The following DCDC2 variants were observed in gnomAD, a reference collection of about 807,000 sequenced individuals.
The protein encoded by DCDC2 is doublecortin domain-containing protein 2.
A neutral mutation model predicts 50.2 loss-of-function variants in DCDC2; 40 were observed. The ratio of observed to expected loss-of-function variants is 0.80; its 90% CI spans 0.62 to 1.04. The LOEUF (loss-of-function observed/expected upper bound fraction) is 1.04, where lower values mean the gene tolerates loss of function less well. Ranked by LOEUF, DCDC2 falls within the 50% of genes least tolerant of loss-of-function variation. The probability of loss-of-function intolerance (pLI) is 0.00; values close to 1 mark genes in which losing one functional copy is unlikely to be tolerated. For missense variants in DCDC2, 570 were observed against 581.9 expected (o/e 0.98, Z 0.21); for synonymous variants, 234 against 210.6 (o/e 1.11, Z -0.96).
intron 7 of DCDC2, among the ~76,000 whole-genome samples, chr6:24,206,316 G>C (rs1472011167): frequency 6.6e-6 from 1 of 152,120 alleles, no homozygotes; most frequent in Non-Finnish European, 1.5e-5. Context: ...ATGAGGAAGG[G>C]CAATAGCAGA....
At position 24,191,730 on chromosome 6, in the gene DCDC2, T is replaced by G. The variant is rs1421172671; in HGVS notation, c.1024-13098A>C. Among the ~76,000 whole-genome samples the G allele has an allele frequency of 5.3e-5, 8 of 152,226 alleles. No homozygotes were observed. The East Asian group carries it at 1.5e-3, about 29-fold the overall frequency. On this transcript the variant is annotated intron_variant, in intron 8 of 9. Coordinates refer to ENST00000378454, the MANE Select transcript of DCDC2 (RefSeq NM_016356.5). ...CACAGCAGATTGAATAAATGGGAGT[T>G]TTTTCTTAGCTCCCTTCTGATGCTC... is the stretch of plus-strand genomic sequence containing the variant.
At chr6:24,261,204 C>CTTTTTTTTTT (rs10694761) in intron 7 of DCDC2, among the ~76,000 whole-genome samples, 1 of 135,746 alleles carries the variant, frequency 7.4e-6, no homozygotes, top group Non-Finnish European at 1.5e-5. Context: ...CATTTTCTTG[C>CTTTTTTTTTT]TTTTTTTTTT....
At chr6:24,258,263 G>A (rs1762935796) in intron 7 of DCDC2, among the ~76,000 whole-genome samples, 1 of 152,172 alleles carries the variant, frequency 6.6e-6, no homozygotes, top group South Asian at 2.1e-4. Flanking sequence ...GGTTGCTGCT[G>A]CTGGCTGGGG....
the DCDC2 span, among the ~76,000 whole-genome samples, chr6:24,367,119 A>T: frequency 6.6e-6 from 1 of 152,214 alleles, no homozygotes; most frequent in Non-Finnish European, 1.5e-5. Context: ...TACAGCCATG[A>T]GACACCATGC....
At chr6:24,247,067 TAA>T (rs1762693589) in intron 7 of DCDC2, among the ~76,000 whole-genome samples, 1 of 152,064 alleles carries the variant, frequency 6.6e-6, no homozygotes, top group Non-Finnish European at 1.5e-5. Flanking sequence ...TTAACATATA[TAA>T]AGGGAGACAA....
chr6:24,243,706 T>C (rs990351417), intron 7 of DCDC2, among the ~76,000 whole-genome samples: 1 of 152,178 alleles, frequency 6.6e-6, no homozygotes, highest in Non-Finnish European at 1.5e-5. Context: ...CCTGGCTACA[T>C]GGCTGATTGT....
chr6:24,311,282 GCAATACTTTTTATA>G (rs1418149683), intron 2 of DCDC2, among the ~76,000 whole-genome samples: 2 of 152,092 alleles, frequency 1.3e-5, no homozygotes, highest in African/African-American at 4.8e-5. Context: ...AACTTTTCAT[GCAATACTTTTTATA>G]CAATACTTTT....
At chr6:24,264,473 T>C (rs1763075568) in intron 7 of DCDC2, among the ~76,000 whole-genome samples, 1 of 152,056 alleles carries the variant, frequency 6.6e-6, no homozygotes, top group South Asian at 2.1e-4. Flanking sequence ...GTTTAAAAGT[T>C]GGATGAGGTT....
chr6:24,350,368 G>A (rs1445307516), intron 2 of DCDC2, among the ~76,000 whole-genome samples: 1 of 152,170 alleles, frequency 6.6e-6, no homozygotes, highest in Non-Finnish European at 1.5e-5. Flanking sequence ...CTGAAAGGGT[G>A]TCCCAGCCAC....
chr6:24,208,517 T>A (rs1015423254), intron 7 of DCDC2, among the ~76,000 whole-genome samples: 1 of 151,980 alleles, frequency 6.6e-6, no homozygotes, highest in African/African-American at 2.4e-5. Flanking sequence ...ATTACAGGCA[T>A]GTGCCACCAC....
chr6:24,288,992 G>A, intron 5 of DCDC2, 86 bp from the exon 6 acceptor site: 2 of 1,006,882 alleles, frequency 2.0e-6, no homozygotes. Context: ...CCACCTGGAA[G>A]TCAACTGTTT....
Position 24,301,716 on chromosome 6 carries a change from T to A in DCDC2, c.556A>T (p.Arg186Trp). 6.2e-7 allele frequency: 1 copy of A among 1,613,826 alleles called. No individual in the cohort carries two copies. Among genetic ancestry groups the A allele is most frequent in the Non-Finnish European group, 8.5e-7 (1 of 1,179,916 alleles). Reference sequence around the variant, plus strand: ...ACTTACAAGATTGTTTTGACATACCTGTGAACAGCCCCGCTCCTCAGAGTG... The same window carrying A: ...ACTTACAAGATTGTTTTGACATACCAGTGAACAGCCCCGCTCCTCAGAGTG... ...KITLRSGAVH[R>W]LYTLEGKLVE... Residue 186 changes from arginine to tryptophan, a missense_variant and splice_region_variant, in exon 4 of 10, where the codon AGG becomes TGG. Coordinates refer to ENST00000378454, the MANE Select transcript of DCDC2 (RefSeq NM_016356.5).
At chr6:24,252,137 T>C (rs1234174203) in intron 7 of DCDC2, among the ~76,000 whole-genome samples, 1 of 152,216 alleles carries the variant, frequency 6.6e-6, no homozygotes, top group Non-Finnish European at 1.5e-5. Context: ...TTCTGGCAAA[T>C]TCCCTATTTC....
intron 7 of DCDC2, among the ~76,000 whole-genome samples, chr6:24,223,976 C>G (rs1762170982): frequency 6.6e-6 from 1 of 152,194 alleles, no homozygotes; most frequent in Non-Finnish European, 1.5e-5. Flanking sequence ...TGACCTCATC[C>G]TTGGTCTTTC....
At chr6:24,256,675 A>G (rs1038900684) in intron 7 of DCDC2, among the ~76,000 whole-genome samples, 1 of 152,234 alleles carries the variant, frequency 6.6e-6, no homozygotes, top group Non-Finnish European at 1.5e-5. Context: ...TTGGGAGGCC[A>G]CTATTTAAAG....
intron 7 of DCDC2, among the ~76,000 whole-genome samples, chr6:24,251,189 T>A (rs1230130795): frequency 2.0e-5 from 3 of 152,188 alleles, no homozygotes; most frequent in African/African-American, 7.2e-5. Context: ...TTCTCTCCTG[T>A]TTCCTAGCAA....
chr6:24,358,964 A>ATT (rs1362996652), upstream of DCDC2, among the ~76,000 whole-genome samples: 6 of 67,158 alleles, frequency 8.9e-5, no homozygotes, highest in Middle Eastern at 0.021. Context: ...TATATTATAT[A>ATT]TTATATATTT....
chr6:24,256,158 A>T lies in DCDC2; in HGVS notation c.922+21891T>A, dbSNP rs4631272. ...CAACATAGTATGTGGTTTTATTTTT[A>T]AAAGTTTAAAACAAGAAAAACTAGT... On this transcript the variant is annotated intron_variant, in intron 7 of 9. Transcript: ENST00000378454. 8.2e-3 allele frequency among the ~76,000 whole-genome samples: 1,256 copies of T among 152,308 alleles called. 9 individuals carry two copies. The highest frequency in any genetic ancestry group is 0.015 in the African/African-American group (605 of 41,578).
At chr6:24,204,465 C>T (rs913531878) in intron 8 of DCDC2, among the ~76,000 whole-genome samples, 8 of 152,030 alleles carry the variant, frequency 5.3e-5, no homozygotes, top group Non-Finnish European at 1.0e-4. Context: ...GAGAGGTGAA[C>T]ATCATACACT....
Sources: gnomAD v4.1 joint callset for allele counts (sites outside exome capture counted in the v4.1 genomes callset) on GRCh38, gnomAD v4.1.1 for gene constraint, MANE v1.5 for transcripts, NCBI Gene and HGNC (gene_info 2026-07-23, HGNC 2026-07-21) for gene names.